CACNB2: variants seen among roughly 807,000 people sequenced by gnomAD.
The protein encoded by CACNB2 is voltage-dependent L-type calcium channel subunit beta-2.
CACNB2 carries 42 observed loss-of-function variants against 73.3 expected under a neutral mutation model. The observed-to-expected ratio is 0.57, with a 90% CI of 0.45 to 0.74. The LOEUF (loss-of-function observed/expected upper bound fraction) is 0.74. CACNB2 is among the 30% of genes least tolerant of loss of function. CACNB2 has a pLI of 0.00. For missense variants in CACNB2, 940 were observed against 853.0 expected (o/e 1.10, Z -1.27); for synonymous variants, 348 against 310.3 (o/e 1.12, Z -1.28).
chr10:18,410,720 G>A (rs2044574758), intron 3 of CACNB2, among the ~76,000 whole-genome samples: 1 of 152,154 alleles, frequency 6.6e-6, no homozygotes, highest in Non-Finnish European at 1.5e-5. Context: ...GGTGGCTCAT[G>A]CCTGTAATCC....
intron 3 of CACNB2, among the ~76,000 whole-genome samples, chr10:18,406,089 A>G (rs1269716609): frequency 1.3e-5 from 2 of 152,196 alleles, no homozygotes; most frequent in Non-Finnish European, 1.5e-5. Context: ...TGTTAGGCCC[A>G]GTTGGTGAAT....
At chr10:18,172,856 A>G (rs1245852506) in intron 2 of CACNB2, among the ~76,000 whole-genome samples, 1 of 151,260 alleles carries the variant, frequency 6.6e-6, no homozygotes, top group Non-Finnish European at 1.5e-5. Flanking sequence ...TTTAGTCATC[A>G]CACATTGGGC....
chr10:18,308,667 G>A (rs1392221610), intron 2 of CACNB2, among the ~76,000 whole-genome samples: 1 of 152,160 alleles, frequency 6.6e-6, no homozygotes, highest in Non-Finnish European at 1.5e-5. Flanking sequence ...TCTGGCTCTT[G>A]GGGTCAGAAT....
Position 18,429,676 on chromosome 10 carries a change from A to C in CACNB2, c.333+27633A>C, listed in dbSNP as rs1271671259. 6.6e-4 allele frequency among the ~76,000 whole-genome samples: 93 copies of C among 141,018 alleles called. 12 individuals carry two copies. The highest frequency in any genetic ancestry group is 2.2e-3 in the African/African-American group (85 of 39,348). The allele number at this position is 141,018 out of a possible 152,430, so 92.5% of individuals were successfully genotyped here. A position where few individuals can be genotyped will look rare whatever the true frequency, so the allele number is the denominator to read the frequency against. On this transcript the variant is annotated intron_variant, in intron 3 of 13. Transcript: ENST00000324631. ...ACTCCGTCTCTACCAAAAAAAAAAA[A>C]AAAAACCAAATTAACCAAGAATGAT... is the stretch of plus-strand genomic sequence containing the variant.
At chr10:18,280,722 T>C (rs1345138543) in intron 2 of CACNB2, among the ~76,000 whole-genome samples, 3 of 152,208 alleles carry the variant, frequency 2.0e-5, no homozygotes, top group Non-Finnish European at 1.5e-5. Context: ...ATAATCTTAT[T>C]TGATTTTGGC....
At chr10:18,338,492 T>G (rs777602472) in intron 2 of CACNB2, among the ~76,000 whole-genome samples, 2 of 152,186 alleles carry the variant, frequency 1.3e-5, no homozygotes, top group Admixed American at 6.5e-5. Context: ...CAAAACTTGA[T>G]TTTTCTATCA....
At chr10:18,252,597 A>AT (rs2037132840) in intron 2 of CACNB2, among the ~76,000 whole-genome samples, 1 of 152,106 alleles carries the variant, frequency 6.6e-6, no homozygotes, top group Non-Finnish European at 1.5e-5. Context: ...TATCCTTGTA[A>AT]ATTGCCTTAA....
chr10:18,331,085 A>G (rs1425954147), intron 2 of CACNB2, among the ~76,000 whole-genome samples: 1 of 151,672 alleles, frequency 6.6e-6, no homozygotes, highest in African/African-American at 2.4e-5. Flanking sequence ...TCCTGGGTTC[A>G]GGTGATTCTC....
intron 4 of CACNB2, among the ~76,000 whole-genome samples, chr10:18,499,433 T>C (rs573685609): frequency 7.9e-4 from 120 of 151,918 alleles, no homozygotes; most frequent in African/African-American, 2.3e-3. Context: ...CTGGCCAACA[T>C]GGTGAACCCC....
At chr10:18,434,402 A>C (rs545935820) in intron 3 of CACNB2, among the ~76,000 whole-genome samples, 1 of 152,172 alleles carries the variant, frequency 6.6e-6, no homozygotes, top group Non-Finnish European at 1.5e-5. Context: ...AGCCAGTAGA[A>C]TTTGGGGAAT....
chr10:18,188,220 C>A (rs559584179), intron 2 of CACNB2, among the ~76,000 whole-genome samples: 5 of 150,426 alleles, frequency 3.3e-5, no homozygotes, highest in East Asian at 3.9e-4. Flanking sequence ...GCCTTCCTTC[C>A]GTCTTGCCTG....
intron 2 of CACNB2, among the ~76,000 whole-genome samples, chr10:18,162,041 G>A (rs56276305): frequency 0.071 from 10,806 of 152,200 alleles, 521 homozygotes; most frequent in Middle Eastern, 0.13. Flanking sequence ...GTGTCAGTAC[G>A]TGTTCTGTAA....
At chr10:18,356,470 C>T (rs1391850584) in intron 2 of CACNB2, among the ~76,000 whole-genome samples, 1 of 152,128 alleles carries the variant, frequency 6.6e-6, no homozygotes, top group Non-Finnish European at 1.5e-5. Flanking sequence ...CTGCCCTTTA[C>T]TTTGATCCTA....
intron 2 of CACNB2, among the ~76,000 whole-genome samples, chr10:18,392,964 T>C (rs1409639566): frequency 6.6e-6 from 1 of 152,168 alleles, no homozygotes; most frequent in Non-Finnish European, 1.5e-5. Context: ...ATCCCAGCAC[T>C]TTGGGAGGCC....
intron 2 of CACNB2, chr10:18,340,734 CTGT>C: frequency 6.8e-7 from 1 of 1,471,638 alleles, no homozygotes. Flanking sequence ...GAACAGAGAG[CTGT>C]TGTGATCCGA....
chr10:18,502,380 T>C (rs553443204), intron 5 of CACNB2, among the ~76,000 whole-genome samples: 12 of 149,970 alleles, frequency 8.0e-5, no homozygotes, highest in Non-Finnish European at 1.6e-4. Flanking sequence ...CCAAGCAAAC[T>C]AACACAGGAA....
At chr10:18,360,058 C>T (rs2132209896) in intron 2 of CACNB2, among the ~76,000 whole-genome samples, 1 of 152,230 alleles carries the variant, frequency 6.6e-6, no homozygotes, top group East Asian at 1.9e-4. Context: ...CAGCGTCACA[C>T]AGAGCAGGTG....
chr10:18,469,417 T>C (rs1168530916), intron 3 of CACNB2, among the ~76,000 whole-genome samples: 2 of 151,900 alleles, frequency 1.3e-5, no homozygotes, highest in African/African-American at 4.8e-5. Flanking sequence ...GCCTCTCTAG[T>C]GTCATCCCAC....
chr10:18,517,506 G>A (rs1280919276), intron 7 of CACNB2, among the ~76,000 whole-genome samples: 3 of 152,134 alleles, frequency 2.0e-5, no homozygotes, highest in African/African-American at 7.2e-5. Context: ...GCAGAAAGAT[G>A]TCATTAGTTA....
Sources: allele counts gnomAD v4.1 joint callset (sites outside exome capture counted in the v4.1 genomes callset), GRCh38; gene constraint gnomAD v4.1.1; transcripts MANE v1.5; gene names NCBI Gene and HGNC (gene_info 2026-07-23, HGNC 2026-07-21).